Variants in MARCHF1 observed in about 807,000 individuals in gnomAD.
MARCHF1 encodes the protein membrane associated ring-CH-type finger 1.
A neutral mutation model predicts 54.2 loss-of-function variants in MARCHF1; 40 were observed. The observed-to-expected ratio is 0.74, with a 90% CI of 0.57 to 0.96. The LOEUF is 0.96. Ranked by LOEUF, MARCHF1 falls within the 40% of genes least tolerant of loss-of-function variation. The pLI is 0.00. For synonymous variants in MARCHF1, 236 were observed against 236.3 expected (o/e 1.00, Z 0.01); for missense variants, 586 against 656.5 (o/e 0.89, Z 1.17).
intron 5 of MARCHF1, among the ~76,000 whole-genome samples, chr4:163,623,602 T>A (rs1394700960): frequency 6.6e-6 from 1 of 152,198 alleles, no homozygotes; most frequent in East Asian, 1.9e-4. Flanking sequence ...AAGAGATCCA[T>A]CTCATTGACT....
chr4:163,667,792 A>AT (rs1167442301), intron 5 of MARCHF1, among the ~76,000 whole-genome samples: 1 of 151,784 alleles, frequency 6.6e-6, no homozygotes, highest in Admixed American at 6.6e-5. Context: ...CACCCAGCTA[A>AT]TTTTTTGTAA....
intron 2 of MARCHF1, among the ~76,000 whole-genome samples, chr4:164,040,523 A>G (rs1051541436): frequency 6.6e-6 from 1 of 150,524 alleles, no homozygotes; most frequent in Non-Finnish European, 1.5e-5. Context: ...ATAGAATTTA[A>G]AAAGATAAAG....
intron 4 of MARCHF1, among the ~76,000 whole-genome samples, chr4:163,826,292 A>G (rs1748845425): frequency 6.6e-6 from 1 of 152,082 alleles, no homozygotes; most frequent in Admixed American, 6.6e-5. Context: ...TCCAACAGTT[A>G]TTAAGATACC....
intron 1 of MARCHF1, among the ~76,000 whole-genome samples, chr4:164,314,347 T>C (rs1420941739): frequency 6.6e-6 from 1 of 152,246 alleles, no homozygotes; most frequent in African/African-American, 2.4e-5. Flanking sequence ...ATCACACTTC[T>C]CTAGGGAAAG....
intron 1 of MARCHF1, among the ~76,000 whole-genome samples, chr4:164,300,020 A>T (rs1674535949): frequency 6.6e-6 from 1 of 152,170 alleles, no homozygotes; most frequent in Admixed American, 6.5e-5. Context: ...AAACAAATAT[A>T]AACCCCACAA....
chr4:163,544,230 G>A (rs1431105509), intron 9 of MARCHF1, among the ~76,000 whole-genome samples: 7 of 152,172 alleles, frequency 4.6e-5, no homozygotes, highest in African/African-American at 1.7e-4. Context: ...AGGATGTAAT[G>A]TGACATTTTA....
intron 3 of MARCHF1, among the ~76,000 whole-genome samples, chr4:163,923,623 A>C (rs927417069): frequency 2.6e-5 from 4 of 152,114 alleles, no homozygotes; most frequent in Admixed American, 2.6e-4. Flanking sequence ...TGTAAGCAGG[A>C]AAGTAAATCT....
chr4:164,055,755 G>C (rs780813930), intron 2 of MARCHF1, among the ~76,000 whole-genome samples: 21 of 152,242 alleles, frequency 1.4e-4, no homozygotes, highest in Admixed American at 3.3e-4. Flanking sequence ...ACAGTAAAAT[G>C]CCTACATATA....
chr4:164,099,658 A>T (rs1024319949), intron 2 of MARCHF1, among the ~76,000 whole-genome samples: 4 of 152,200 alleles, frequency 2.6e-5, no homozygotes, highest in Non-Finnish European at 5.9e-5. Flanking sequence ...AAACAAATGA[A>T]ATAGAAAGTC....
At chr4:164,362,850 G>C (rs1730763526) in intron 1 of MARCHF1, among the ~76,000 whole-genome samples, 1 of 151,886 alleles carries the variant, frequency 6.6e-6, no homozygotes, top group Non-Finnish European at 1.5e-5. Context: ...TTTATTTTAT[G>C]ATGATCCTCC....
chr4:163,623,098 C>T (rs1374897273), intron 5 of MARCHF1, among the ~76,000 whole-genome samples: 1 of 152,108 alleles, frequency 6.6e-6, no homozygotes, highest in Admixed American at 6.6e-5. Context: ...ATGTCACCTC[C>T]CATTTTTCAA....
chr4:164,086,052 G>A (rs1244869149), intron 2 of MARCHF1, among the ~76,000 whole-genome samples: 1 of 151,700 alleles, frequency 6.6e-6, no homozygotes, highest in African/African-American at 2.4e-5. Flanking sequence ...ATACATTCTG[G>A]AAATCAAATC....
intron 1 of MARCHF1, among the ~76,000 whole-genome samples, chr4:164,276,541 A>G (rs1733886838): frequency 6.6e-6 from 1 of 151,414 alleles, no homozygotes; most frequent in East Asian, 1.9e-4. Context: ...GTGTGTGTGT[A>G]TATATATAGT....
At chr4:163,565,354 A>G (rs1739611387) in intron 8 of MARCHF1, among the ~76,000 whole-genome samples, 1 of 152,222 alleles carries the variant, frequency 6.6e-6, no homozygotes, top group African/African-American at 2.4e-5. Flanking sequence ...GTGTTTTAAA[A>G]GATGATTGTG....
chr4:164,193,195 A>G (rs1731165522), intron 1 of MARCHF1, among the ~76,000 whole-genome samples: 1 of 152,118 alleles, frequency 6.6e-6, no homozygotes. Context: ...ACACTTGACA[A>G]TCACCGTGAA....
intron 5 of MARCHF1, among the ~76,000 whole-genome samples, chr4:163,633,620 T>C (rs1346492166): frequency 2.6e-5 from 4 of 152,312 alleles, no homozygotes; most frequent in Non-Finnish European, 4.4e-5. Flanking sequence ...CTACGTCTGA[T>C]TGGTATACCT....
chr4:163,648,834 A>G (rs1379680253), intron 5 of MARCHF1, among the ~76,000 whole-genome samples: 1 of 151,972 alleles, frequency 6.6e-6, no homozygotes, highest in East Asian at 1.9e-4. Context: ...TGAAACATGC[A>G]AACGCACAAT....
chr4:164,009,249 A>T (rs954348468), intron 2 of MARCHF1, among the ~76,000 whole-genome samples: 5 of 152,076 alleles, frequency 3.3e-5, no homozygotes, highest in Non-Finnish European at 7.4e-5. Context: ...TTGAACCCTG[A>T]AAAAAGAGAA....
chr4:164,311,480 T>G (rs1734848590), intron 1 of MARCHF1, among the ~76,000 whole-genome samples: 1 of 152,216 alleles, frequency 6.6e-6, no homozygotes, highest in Admixed American at 6.5e-5. Flanking sequence ...TGAACAATTC[T>G]ATAAGAAACC....
Sources: gnomAD v4.1 joint callset for allele counts (sites outside exome capture counted in the v4.1 genomes callset) on GRCh38, gnomAD v4.1.1 for gene constraint, MANE v1.5 for transcripts, NCBI Gene and HGNC (gene_info 2026-07-23, HGNC 2026-07-21) for gene names.